Variants in PI4K2B observed in about 807,000 individuals in gnomAD.
PI4K2B encodes the protein phosphatidylinositol 4-kinase type 2 beta, also known as phosphatidylinositol 4-kinase type 2-beta.
Under a neutral mutation model 56.6 loss-of-function variants are expected in PI4K2B, and 46 were observed. The ratio of observed to expected loss-of-function variants is 0.81; its 90% CI spans 0.64 to 1.04. The LOEUF (loss-of-function observed/expected upper bound fraction) is 1.04. Among genes scored for constraint, PI4K2B ranks in the 50% least tolerant of loss-of-function variants. The pLI, the probability that PI4K2B is intolerant of heterozygous loss-of-function variation, is 0.00. For synonymous variants in PI4K2B, 211 were observed against 223.8 expected (o/e 0.94, Z 0.51); for missense variants, 556 against 607.7 (o/e 0.91, Z 0.89).
At chr4:25,236,206 A>AAAATAAAT (rs55804997) in intron 1 of PI4K2B, among the ~76,000 whole-genome samples, 29 of 139,744 alleles carry the variant, frequency 2.1e-4, no homozygotes, top group African/African-American at 6.2e-4. Context: ...CTCTGTCTCA[A>AAAATAAAT]AAATAAATAA....
intron 5 of PI4K2B, 106 bp from the exon 6 acceptor site, chr4:25,260,418 C>A: frequency 2.3e-6 from 1 of 444,004 alleles, no homozygotes. Context: ...CTACAGATAA[C>A]CAGTGAAAGT....
rs1057456837 is a variant in PI4K2B at position 25,234,216 on chromosome 4, C to G, written c.53C>G (p.Pro18Arg). 1.2e-5 allele frequency: 17 copies of G among 1,411,824 alleles called. No individual in the cohort carries two copies. In the African/African-American group the frequency reaches 1.5e-4, roughly 12 times the overall value. The allele number at this position is 1,411,824 out of a possible 1,614,324, so 87.5% of individuals were successfully genotyped here. A position where few individuals can be genotyped will look rare whatever the true frequency, so the allele number is the denominator to read the frequency against. Reference sequence around the variant, plus strand: ...TTGGCGTCCGCGGACGGCGGGAGCCCGGAGGAGGAGGAGGATGGGGAGCGG... The same window carrying G: ...TTGGCGTCCGCGGACGGCGGGAGCCGGGAGGAGGAGGAGGATGGGGAGCGG... The part of the protein sequence containing the change: ...DRLASADGGS[P>R]EEEEDGEREP... Residue 18 changes from proline (P) to arginine (R), a missense_variant, in exon 1 of 10, where the codon CCG becomes CGG. Physicochemically the swap from Pro to Arg is moderately radical, Grantham distance 103 (BLOSUM62 -2). Coordinates refer to ENST00000264864, the MANE Select transcript of PI4K2B (RefSeq NM_018323.4).
At chr4:25,254,921 G>A in intron 2 of PI4K2B, 144 bp from the exon 3 acceptor site, 1 of 615,962 alleles carries the variant, frequency 1.6e-6, no homozygotes, top group Non-Finnish European at 2.9e-6. Context: ...AATAGTTGAG[G>A]TTTATAAATC....
chr4:25,269,333 T>G, intron 9 of PI4K2B, 130 bp downstream of exon 9: 12 of 595,626 alleles, frequency 2.0e-5, no homozygotes, highest in Non-Finnish European at 3.3e-5. Flanking sequence ...ATAGCCCAGA[T>G]TATTAGAAAT....
chr4:25,274,065 G>A (rs1430628964), intron 9 of PI4K2B, among the ~76,000 whole-genome samples: 2 of 152,104 alleles, frequency 1.3e-5, no homozygotes, highest in Non-Finnish European at 2.9e-5. Context: ...GATTTTTGCA[G>A]CACTCCCTGG....
chr4:25,274,861 T>C (rs1717042236), intron 9 of PI4K2B, among the ~76,000 whole-genome samples: 1 of 152,170 alleles, frequency 6.6e-6, no homozygotes, highest in Non-Finnish European at 1.5e-5. Flanking sequence ...AGTGGCGCGA[T>C]CTCAGCTCAC....
rs1337195795 is a variant in PI4K2B, at chr4:25,278,658, A to G, written c.*1471A>G. Reference sequence around the variant, plus strand: ...TTAGCTCAATTTTGAGATAATGGAAAATTGACTGGAAATTCAAAACTCAAA... The same window carrying G: ...TTAGCTCAATTTTGAGATAATGGAAGATTGACTGGAAATTCAAAACTCAAA... On this transcript the variant is annotated 3_prime_UTR_variant, in exon 10 of 10. Transcript: ENST00000264864. The G allele has an allele frequency of 1.3e-5, 2 of 152,646 alleles. No individual in the cohort carries two copies. The highest frequency in any genetic ancestry group is 2.9e-5 in the Non-Finnish European group (2 of 68,042). 9.5% of individuals were successfully genotyped at this position (152,646 alleles called of 1,614,324 possible). A position where few individuals can be genotyped will look rare whatever the true frequency, so the allele number is the denominator to read the frequency against.
rs373709611 is a variant in PI4K2B, at chr4:25,244,005, C to T, written c.269-8316C>T. Among the ~76,000 whole-genome samples the T allele has an allele frequency of 1.2e-3, 179 of 152,284 alleles. 2 individuals are homozygous for T. In the South Asian group the frequency reaches 0.022, roughly 18 times the overall value. On this transcript the variant is annotated intron_variant, in intron 1 of 9. Transcript: ENST00000264864. Reference sequence around the variant, plus strand: ...GGGCTGCATCTAAAGTCACATTCTTCTCATTAAAGGCCAGGATTTGATCTA... The same window carrying T: ...GGGCTGCATCTAAAGTCACATTCTTTTCATTAAAGGCCAGGATTTGATCTA...
chr4:25,259,769 A>G (rs1166390670), intron 5 of PI4K2B, among the ~76,000 whole-genome samples: 1 of 152,196 alleles, frequency 6.6e-6, no homozygotes, highest in Non-Finnish European at 1.5e-5. Context: ...TTGTTGGGCC[A>G]CATTCAAAGC....
chr4:25,243,082 C>T (rs572310605), intron 1 of PI4K2B, among the ~76,000 whole-genome samples: 13 of 152,322 alleles, frequency 8.5e-5, no homozygotes, highest in African/African-American at 1.7e-4. Flanking sequence ...TGAGGACAGT[C>T]GTCCAGGACA....
At chr4:25,241,327 G>C (rs1715513323) in intron 1 of PI4K2B, among the ~76,000 whole-genome samples, 1 of 152,210 alleles carries the variant, frequency 6.6e-6, no homozygotes, top group African/African-American at 2.4e-5. Flanking sequence ...GGTGTAACCT[G>C]CCCTTCGTAT....
rs142288230 is a variant in PI4K2B, at chr4:25,272,534, G to A, written c.1272+3331G>A. On this transcript the variant is annotated intron_variant, in intron 9 of 9. Coordinates refer to ENST00000264864, the MANE Select transcript of PI4K2B (RefSeq NM_018323.4). Reference sequence around the variant, plus strand: ...AGTTGGTCTAAGGCCAGGTGTGGTGGCTCATGGCTGTTGTCCCAGCTACTT... The same window carrying A: ...AGTTGGTCTAAGGCCAGGTGTGGTGACTCATGGCTGTTGTCCCAGCTACTT... Among the ~76,000 whole-genome samples, 62 of 152,234 alleles carry A rather than the reference G, an allele frequency of 4.1e-4. No homozygotes were observed. In the East Asian group the frequency reaches 0.012, roughly 28 times the overall value.
intron 7 of PI4K2B, among the ~76,000 whole-genome samples, chr4:25,265,415 A>T (rs1314281878): frequency 1.3e-5 from 2 of 151,686 alleles, no homozygotes; most frequent in Non-Finnish European, 2.9e-5. Context: ...TTTTTCTTTT[A>T]TAGATTTATG....
intron 1 of PI4K2B, among the ~76,000 whole-genome samples, chr4:25,246,684 G>GTT (rs1489835826): frequency 4.6e-5 from 7 of 152,234 alleles, no homozygotes; most frequent in Admixed American, 1.3e-4. Context: ...GGTGGTGCTT[G>GTT]TTGGGGAGGC....
intron 9 of PI4K2B, among the ~76,000 whole-genome samples, chr4:25,273,865 G>A (rs1717002639): frequency 6.6e-6 from 1 of 152,202 alleles, no homozygotes; most frequent in South Asian, 2.1e-4. Context: ...TCCAAACAGT[G>A]CATCTACCTT....
At chr4:25,266,706 G>C (rs181776419) in intron 7 of PI4K2B, among the ~76,000 whole-genome samples, 1 of 152,176 alleles carries the variant, frequency 6.6e-6, no homozygotes, top group Non-Finnish European at 1.5e-5. Context: ...GCTTGAAAAG[G>C]AATTGGTAGT....
intron 9 of PI4K2B, among the ~76,000 whole-genome samples, chr4:25,275,176 C>T (rs944434374): frequency 6.6e-6 from 1 of 152,170 alleles, no homozygotes; most frequent in Non-Finnish European, 1.5e-5. Context: ...TTAACTGTTA[C>T]TTAAATTGGT....
intron 1 of PI4K2B, among the ~76,000 whole-genome samples, chr4:25,244,768 GC>G (rs1715687722): frequency 6.6e-6 from 1 of 152,094 alleles, no homozygotes; most frequent in African/African-American, 2.4e-5. Flanking sequence ...CGGAATAGTT[GC>G]GCTCACTGAC....
chr4:25,270,600 C>T (rs1437086256), intron 9 of PI4K2B, among the ~76,000 whole-genome samples: 2 of 152,116 alleles, frequency 1.3e-5, no homozygotes, highest in Non-Finnish European at 2.9e-5. Flanking sequence ...GCCGCCTTGG[C>T]CTCCCAAAGT....
Sources: gnomAD v4.1 joint callset for allele counts (sites outside exome capture counted in the v4.1 genomes callset) on GRCh38, gnomAD v4.1.1 for gene constraint, MANE v1.5 for transcripts, NCBI Gene and HGNC (gene_info 2026-07-23, HGNC 2026-07-21) for gene names.